Variants in GRM7 observed in about 807,000 individuals in gnomAD.
GRM7 encodes the protein metabotropic glutamate receptor 7.
A neutral mutation model predicts 84.5 loss-of-function variants in GRM7; 35 were observed. That is an observed-to-expected ratio of 0.41 (90% CI 0.32 to 0.55). The LOEUF (loss-of-function observed/expected upper bound fraction) is 0.55, where lower values mean the gene tolerates loss of function less well. GRM7 is among the 20% of genes least tolerant of loss of function. GRM7 has a pLI of 0.19. For missense variants in GRM7, 1,003 were observed against 1,194.6 expected, an observed-to-expected ratio of 0.84 and a Z score of 2.36; for synonymous variants, 487 against 455.1, an observed-to-expected ratio of 1.07 and a Z score of -0.89.
Position 6,973,635 on chromosome 3 carries a change from G to C in GRM7, c.519+111728G>C, listed in dbSNP as rs1452913554. 3.9e-5 allele frequency among the ~76,000 whole-genome samples: 6 copies of C among 152,322 alleles called. No homozygotes were observed. In the South Asian group the frequency reaches 6.2e-4, roughly 16 times the overall value. On this transcript the variant is annotated intron_variant, in intron 1 of 9. Transcript: ENST00000357716. The stretch of plus-strand genomic sequence containing the variant: ...ATAGAGTGATATTTTGGTGAGATAG[G>C]AAGAAAGTAAAAGTGATTCAAGAGA...
intron 1 of GRM7, among the ~76,000 whole-genome samples, chr3:6,947,181 C>G (rs1230569195): frequency 6.6e-6 from 1 of 152,146 alleles, no homozygotes; most frequent in Admixed American, 6.5e-5. Context: ...ATGATATTGG[C>G]TGTGGGTTTG....
Position 7,151,260 on chromosome 3 carries a change from AACCTGGC to A in GRM7, c.736+4594_736+4600del. On this transcript the variant is annotated intron_variant, in intron 2 of 9. Coordinates refer to ENST00000357716, the MANE Select transcript of GRM7 (RefSeq NM_000844.4). This position sits in a 1 kb window ranked among gnomAD's most constrained non-coding sequence, Gnocchi z 4.5. ...AAGCTCTACTAAAAATACAAAAATT[AACCTGGC>A]ATGGTGGCATGCACCTGTAATCCCA... Among the ~76,000 whole-genome samples the A allele has an allele frequency of 6.6e-6, 1 of 152,168 alleles. No individual in the cohort carries two copies. The highest frequency in any genetic ancestry group is 1.5e-5 in the Non-Finnish European group (1 of 68,044).
intron 1 of GRM7, among the ~76,000 whole-genome samples, chr3:7,092,475 G>A (rs2125010342): frequency 6.6e-6 from 1 of 152,098 alleles, no homozygotes; most frequent in East Asian, 1.9e-4. Context: ...ATGGTTTATT[G>A]GAAGGTTTAA....
Position 7,486,727 on chromosome 3 carries a change from T to A in GRM7, c.1515+25005T>A, listed in dbSNP as rs1225867646. Among the ~76,000 whole-genome samples, 6 of 152,156 alleles carry A rather than the reference T, an allele frequency of 3.9e-5. No homozygotes were observed. The highest frequency in any genetic ancestry group is 1.3e-4 in the Admixed American group (2 of 15,274). ...TGATGAGACAAATAAGGCTGTTTTT[T>A]AAAATAATTTATGCAGCCTCAGGTA... On this transcript the variant is annotated intron_variant, in intron 7 of 9. Coordinates refer to ENST00000357716, the MANE Select transcript of GRM7 (RefSeq NM_000844.4). The surrounding 1 kb of genome is among the most constrained non-coding windows in gnomAD (Gnocchi z 5.5).
At chr3:7,576,782 C>T (rs2125051041) in intron 7 of GRM7, among the ~76,000 whole-genome samples, 1 of 152,288 alleles carries the variant, frequency 6.6e-6, no homozygotes, top group South Asian at 2.1e-4. Flanking sequence ...CGTAGTACAT[C>T]TTTTGTGACT....
At chr3:7,516,164 C>CAAAAA (rs35256206) in intron 7 of GRM7, among the ~76,000 whole-genome samples, 24 of 31,416 alleles carry the variant, frequency 7.6e-4, no homozygotes, top group Non-Finnish European at 1.1e-3. Context: ...CACCATATCT[C>CAAAAA]AAAAAAAAAA....
chr3:7,443,716 T>C (rs567191661), intron 5 of GRM7, among the ~76,000 whole-genome samples: 1 of 152,308 alleles, frequency 6.6e-6, no homozygotes, highest in Admixed American at 6.5e-5. Flanking sequence ...CACTTGGTGG[T>C]ATACATTTAG....
chr3:7,616,150 A>G (rs772044686), intron 8 of GRM7, among the ~76,000 whole-genome samples: 62 of 152,116 alleles, frequency 4.1e-4, no homozygotes, highest in Admixed American at 9.8e-4. Flanking sequence ...AAATGAAAAA[A>G]CAAGTTTCCT....
intron 4 of GRM7, among the ~76,000 whole-genome samples, chr3:7,315,519 T>C (rs1700552098): frequency 1.3e-5 from 2 of 152,324 alleles, no homozygotes; most frequent in South Asian, 4.1e-4. Flanking sequence ...TGAGAAGTTC[T>C]GAGTTAGGTG....
chr3:6,919,990 AT>A (rs1559329003), intron 1 of GRM7, among the ~76,000 whole-genome samples: 1 of 150,722 alleles, frequency 6.6e-6, no homozygotes, highest in East Asian at 1.9e-4. Flanking sequence ...TTGCCATACA[AT>A]TTTTATAAAG....
intron 2 of GRM7, among the ~76,000 whole-genome samples, chr3:7,246,363 C>G (rs1697760235): frequency 6.6e-6 from 1 of 152,120 alleles, no homozygotes; most frequent in Admixed American, 6.6e-5. Flanking sequence ...TGCACATTGG[C>G]ACATCTTTTG....
At chr3:7,700,788 C>A (rs12497435) in intron 9 of GRM7, among the ~76,000 whole-genome samples, 464 of 152,296 alleles carry the variant, frequency 3.0e-3, no homozygotes, top group Non-Finnish European at 3.8e-3. Context: ...AGGACACTTA[C>A]AAGTATCTTG....
intron 1 of GRM7, among the ~76,000 whole-genome samples, chr3:6,898,993 G>A (rs190703581): frequency 4.8e-4 from 73 of 152,194 alleles, no homozygotes; most frequent in African/African-American, 1.4e-3. Context: ...TTACTTAAAT[G>A]CTCTAGGTTT....
At chr3:7,018,791 G>A (rs12107821) in intron 1 of GRM7, among the ~76,000 whole-genome samples, 4,254 of 152,280 alleles carry the variant, frequency 0.028, 220 homozygotes, top group African/African-American at 0.097. Flanking sequence ...AGTTAATAGC[G>A]TTGCTTAAAA....
chr3:7,321,060 G>A (rs1700761493), intron 4 of GRM7, among the ~76,000 whole-genome samples: 1 of 151,762 alleles, frequency 6.6e-6, no homozygotes, highest in Non-Finnish European at 1.5e-5. Context: ...AGGCCTCACT[G>A]CTATTGAGTC....
At chr3:7,477,481 A>G (rs1698968612) in intron 7 of GRM7, among the ~76,000 whole-genome samples, 1 of 152,132 alleles carries the variant, frequency 6.6e-6, no homozygotes, top group Non-Finnish European at 1.5e-5. Context: ...ATCAATTACT[A>G]CCCAAGATAA....
At chr3:7,636,376 A>G (rs1004167376) in intron 8 of GRM7, 4 of 450,146 alleles carry the variant, frequency 8.9e-6, no homozygotes, top group African/African-American at 6.0e-5. Context: ...CTGAGCATCT[A>G]ATGGTGCCTG....
intron 5 of GRM7, among the ~76,000 whole-genome samples, chr3:7,429,655 C>A (rs541533507): frequency 6.6e-6 from 1 of 151,958 alleles, no homozygotes; most frequent in Non-Finnish European, 1.5e-5. Context: ...GTAAAGTTCT[C>A]GGAGGTTTGT....
chr3:7,684,005 C>T (rs1315986140), intron 9 of GRM7, among the ~76,000 whole-genome samples: 3 of 152,000 alleles, frequency 2.0e-5, no homozygotes, highest in Non-Finnish European at 1.5e-5. Context: ...GATCTCAAAA[C>T]GAGCCACTAA....
Sources: gnomAD v4.1 joint callset for allele counts (sites outside exome capture counted in the v4.1 genomes callset) on GRCh38, gnomAD v4.1.1 for gene constraint, Gnocchi (gnomAD v3.1) non-coding constraint, MANE v1.5 for transcripts, NCBI Gene and HGNC (gene_info 2026-07-23, HGNC 2026-07-21) for gene names.